The following MAGI2 variants were observed in gnomAD, a reference collection of about 807,000 sequenced individuals.
The protein encoded by MAGI2 is membrane associated guanylate kinase, WW and PDZ domain containing 2, also known as membrane-associated guanylate kinase, WW and PDZ domain-containing protein 2.
A neutral mutation model predicts 133.3 loss-of-function variants in MAGI2; 35 were observed. That is an observed-to-expected ratio of 0.26 (90% confidence interval 0.20 to 0.35). The LOEUF (loss-of-function observed/expected upper bound fraction) is 0.35, where lower values mean the gene tolerates loss of function less well. Ranked by LOEUF, MAGI2 falls within the 10% of genes least tolerant of loss-of-function variation. The pLI is 1.00. For missense variants in MAGI2, 1,636 were observed against 1,863.4 expected (o/e 0.88, Z 2.25); for synonymous variants, 729 against 710.6 (o/e 1.03, Z -0.41).
chr7:79,275,537 G>C (rs1020543400), intron 1 of MAGI2, among the ~76,000 whole-genome samples: 4 of 152,202 alleles, frequency 2.6e-5, no homozygotes, highest in African/African-American at 9.6e-5. Flanking sequence ...ATGTGAAGCT[G>C]CAGCAAGTTA....
At chr7:78,082,015 A>T (rs921424179) in intron 20 of MAGI2, among the ~76,000 whole-genome samples, 1 of 152,196 alleles carries the variant, frequency 6.6e-6, no homozygotes, top group African/African-American at 2.4e-5. Flanking sequence ...TCTTGAACCC[A>T]TGGGAGAGGG....
chr7:78,890,611 C>T (rs1028242647), intron 2 of MAGI2, among the ~76,000 whole-genome samples: 1 of 152,098 alleles, frequency 6.6e-6, no homozygotes, highest in African/African-American at 2.4e-5. Context: ...ACTGAACAAC[C>T]TGCTCCTGAA....
chr7:79,361,503 C>A (rs1483567663), intron 1 of MAGI2, among the ~76,000 whole-genome samples: 1 of 152,140 alleles, frequency 6.6e-6, no homozygotes, highest in Non-Finnish European at 1.5e-5. Context: ...CCATCCTGGG[C>A]CTATAAAAAC....
rs377123740 is a variant in MAGI2 at position 78,551,399 on chromosome 7, T to C, written c.539-29754A>G. On this transcript the variant is annotated intron_variant, in intron 3 of 21. Coordinates refer to ENST00000354212, the MANE Select transcript of MAGI2 (RefSeq NM_012301.4). ...ATAGAAACTTACAGGCCTTGAACACTTCTGAGTCTCTTCCACAAGATTTAT... is the reference window on the plus strand; with the variant it reads ...ATAGAAACTTACAGGCCTTGAACACCTCTGAGTCTCTTCCACAAGATTTAT... Among the ~76,000 whole-genome samples the C allele has an allele frequency of 3.3e-5, 5 of 152,358 alleles. No individual in the cohort carries two copies. In the South Asian group the frequency reaches 8.3e-4, roughly 25 times the overall value.
intron 10 of MAGI2, among the ~76,000 whole-genome samples, chr7:78,206,774 T>C (rs771836561): frequency 2.0e-5 from 3 of 152,230 alleles, no homozygotes; most frequent in Non-Finnish European, 2.9e-5. Context: ...TACAACGTCA[T>C]GTATTTCATA....
chr7:78,404,239 G>C (rs575988816), intron 6 of MAGI2, among the ~76,000 whole-genome samples: 44 of 152,106 alleles, frequency 2.9e-4, no homozygotes, highest in African/African-American at 9.4e-4. Context: ...AATGGCCATA[G>C]TGCCCAAGGT....
chr7:79,146,677 A>C (rs931502560), intron 1 of MAGI2, among the ~76,000 whole-genome samples: 1 of 152,204 alleles, frequency 6.6e-6, no homozygotes, highest in African/African-American at 2.4e-5. Flanking sequence ...CCATCATGTA[A>C]GACGTGACTT....
intron 10 of MAGI2, among the ~76,000 whole-genome samples, chr7:78,228,975 AG>A (rs1789685039): frequency 6.6e-6 from 1 of 152,278 alleles, no homozygotes; most frequent in South Asian, 2.1e-4. Context: ...AGGAAGGTGG[AG>A]ACCATCTAGA....
At chr7:79,152,178 G>C (rs770638149) in intron 1 of MAGI2, among the ~76,000 whole-genome samples, 26 of 152,238 alleles carry the variant, frequency 1.7e-4, no homozygotes, top group Admixed American at 5.2e-4. Context: ...CTAAGTGTAA[G>C]TAAAATACTC....
At chr7:79,352,029 T>G (rs953840447) in intron 1 of MAGI2, 5 of 152,170 alleles carry the variant, frequency 3.3e-5, no homozygotes, top group Admixed American at 3.3e-4. Flanking sequence ...TGTTGTATAC[T>G]TTTCCCGTAG....
chr7:79,054,205 A>G (rs989921113), intron 1 of MAGI2, among the ~76,000 whole-genome samples: 20 of 152,122 alleles, frequency 1.3e-4, no homozygotes, highest in African/African-American at 1.9e-4. Context: ...CAATCAATCA[A>G]TAAAAATAAA....
At chr7:79,325,382 G>A (rs962097871) in intron 1 of MAGI2, among the ~76,000 whole-genome samples, 2 of 152,096 alleles carry the variant, frequency 1.3e-5, no homozygotes, top group African/African-American at 4.8e-5. Flanking sequence ...AGTTTCTAAA[G>A]ATGCCAGTCC....
intron 2 of MAGI2, among the ~76,000 whole-genome samples, chr7:78,722,770 TAGAC>T (rs1820389765): frequency 6.6e-6 from 1 of 152,126 alleles, no homozygotes; most frequent in Non-Finnish European, 1.5e-5. Context: ...ATTTGTTTCT[TAGAC>T]AGTTTGTCTA....
At chr7:78,060,645 T>A (rs1813144795) in intron 21 of MAGI2, among the ~76,000 whole-genome samples, 1 of 152,156 alleles carries the variant, frequency 6.6e-6, no homozygotes, top group Non-Finnish European at 1.5e-5. Context: ...AAAGGATTCA[T>A]GGAGGAGGCA....
chr7:79,303,557 G>C (rs1837540232), intron 1 of MAGI2, among the ~76,000 whole-genome samples: 2 of 152,064 alleles, frequency 1.3e-5, no homozygotes, highest in African/African-American at 4.8e-5. Context: ...CTAGTAAATA[G>C]GAAGATATAT....
At chr7:78,638,967 A>G (rs1042291629) in intron 2 of MAGI2, among the ~76,000 whole-genome samples, 2 of 152,192 alleles carry the variant, frequency 1.3e-5, no homozygotes, top group African/African-American at 4.8e-5. Context: ...AACAATATAT[A>G]TTTAGTTTGA....
At chr7:78,176,906 T>TACACAC (rs763731749) in intron 14 of MAGI2, among the ~76,000 whole-genome samples, 1 of 46,968 alleles carries the variant, frequency 2.1e-5, no homozygotes. Context: ...AAACCATATA[T>TACACAC]AGACACACAC....
intron 2 of MAGI2, among the ~76,000 whole-genome samples, chr7:78,810,173 A>G (rs1788920643): frequency 6.7e-6 from 1 of 150,042 alleles, no homozygotes; most frequent in South Asian, 2.1e-4. Flanking sequence ...TAAGTTATAG[A>G]TTTTTTTTTT....
chr7:78,477,279 G>A (rs904670356), intron 6 of MAGI2, among the ~76,000 whole-genome samples: 1 of 151,932 alleles, frequency 6.6e-6, no homozygotes, highest in Non-Finnish European at 1.5e-5. Flanking sequence ...ACTACAGTGA[G>A]CATTTATTTT....
Sources: allele counts gnomAD v4.1 joint callset (sites outside exome capture counted in the v4.1 genomes callset), GRCh38; gene constraint gnomAD v4.1.1; transcripts MANE v1.5; gene names NCBI Gene and HGNC (gene_info 2026-07-23, HGNC 2026-07-21).